Variants in MAPRE2 observed in about 807,000 individuals in gnomAD.
MAPRE2 encodes the protein microtubule-associated protein RP/EB family member 2.
MAPRE2 carries 13 observed loss-of-function variants against 43.2 expected under a neutral mutation model. That is an observed-to-expected ratio of 0.30 (90% CI 0.20 to 0.48). The LOEUF is 0.48. Among genes scored for constraint, MAPRE2 ranks in the 20% least tolerant of loss-of-function variants. MAPRE2 has a pLI of 0.99. For synonymous variants in MAPRE2, 135 were observed against 148.8 expected, an observed-to-expected ratio of 0.91 and a Z score of 0.68; for missense variants, 161 against 400.2, an observed-to-expected ratio of 0.40 and a Z score of 5.10.
intron 4 of MAPRE2, among the ~76,000 whole-genome samples, chr18:35,108,178 T>C (rs1908998704): frequency 6.6e-6 from 1 of 152,190 alleles, no homozygotes; most frequent in African/African-American, 2.4e-5. Context: ...TGTGTCCATG[T>C]GTTCTCACTG....
At chr18:35,093,211 CAAAAAAAA>C (rs56833433) in intron 2 of MAPRE2, among the ~76,000 whole-genome samples, 7 of 52,272 alleles carry the variant, frequency 1.3e-4, no homozygotes, top group East Asian at 6.1e-4. Context: ...GACCCTGTCT[CAAAAAAAA>C]AAAAAAAAAA....
intron 4 of MAPRE2, among the ~76,000 whole-genome samples, chr18:35,114,612 G>T (rs1909324625): frequency 6.6e-6 from 1 of 152,098 alleles, no homozygotes; most frequent in Admixed American, 6.5e-5. Flanking sequence ...CCGTGTGAAT[G>T]GTCTGGGTGA....
chr18:35,130,838 T>G (rs976613896), intron 5 of MAPRE2, among the ~76,000 whole-genome samples: 2 of 152,238 alleles, frequency 1.3e-5, no homozygotes, highest in African/African-American at 2.4e-5. Flanking sequence ...CCAGATCTAG[T>G]CACAACCCCG....
In MAPRE2 at chr18:35,140,417, T is replaced by G. The variant is rs757225549; in HGVS notation, c.*48T>G. The stretch of plus-strand genomic sequence containing the variant: ...CTTCCATTGTGTGTGGGAACGTTTC[T>G]TCTGGAGAATTGGAACATGTGTGGC... On this transcript the variant is annotated 3_prime_UTR_variant, in exon 7 of 7. Coordinates refer to ENST00000300249, the MANE Select transcript of MAPRE2 (RefSeq NM_014268.4). The G allele has an allele frequency of 1.3e-6, 2 of 1,529,228 alleles. No homozygotes were observed. The highest frequency in any genetic ancestry group is 2.4e-5 in the South Asian group (2 of 84,114). The allele number at this position is 1,529,228 out of a possible 1,614,324, so 94.7% of individuals were successfully genotyped here. A position where few individuals can be genotyped will look rare whatever the true frequency, so the allele number is the denominator to read the frequency against.
chr18:35,042,335 G>C (rs138128555), intron 1 of MAPRE2, among the ~76,000 whole-genome samples: 70 of 152,248 alleles, frequency 4.6e-4, no homozygotes, highest in African/African-American at 1.6e-3. Context: ...GCCACCGCTT[G>C]GGTGGGGGAG....
intron 6 of MAPRE2, among the ~76,000 whole-genome samples, chr18:35,135,916 C>T (rs749823236): frequency 6.6e-6 from 1 of 152,234 alleles, no homozygotes; most frequent in Non-Finnish European, 1.5e-5. Flanking sequence ...GCAGCACATG[C>T]TGTTCAGCTA....
chr18:35,125,651 G>A (rs930821219), intron 4 of MAPRE2, among the ~76,000 whole-genome samples: 9 of 152,192 alleles, frequency 5.9e-5, no homozygotes, highest in Non-Finnish European at 1.2e-4. Flanking sequence ...GGGAATGGAC[G>A]GGCCCCCAGT....
chr18:35,008,038 T>G (rs771233570), intron 2 of MAPRE2, among the ~76,000 whole-genome samples: 3 of 152,188 alleles, frequency 2.0e-5, no homozygotes, highest in Non-Finnish European at 2.9e-5. Flanking sequence ...TAGGGAAAGC[T>G]GTATTGATCA....
intron 1 of MAPRE2, among the ~76,000 whole-genome samples, chr18:35,068,814 T>C (rs963560254): frequency 1.3e-5 from 2 of 152,244 alleles, no homozygotes; most frequent in Non-Finnish European, 2.9e-5. Flanking sequence ...GTAATAGTTA[T>C]CTGCCTTCTG....
At position 35,011,449 on chromosome 18, in the gene MAPRE2, T is replaced by C. The variant is rs185054960; in HGVS notation, c.-8+5896T>C. On this transcript the variant is annotated intron_variant, in intron 2 of 7. Transcript: ENST00000413393. ...GTAATGAGCTGCAGCATTGAGGGAA[T>C]AGTGACAGGTAGGGCTGGACAGACA... 1.1e-4 allele frequency among the ~76,000 whole-genome samples: 16 copies of C among 152,078 alleles called. No homozygotes were observed. In the South Asian group the frequency reaches 1.9e-3, roughly 18 times the overall value.
At chr18:35,008,731 G>T (rs1335889977) in intron 2 of MAPRE2, among the ~76,000 whole-genome samples, 2 of 152,056 alleles carry the variant, frequency 1.3e-5, no homozygotes, top group Non-Finnish European at 2.9e-5. Flanking sequence ...ATTTTCTAAG[G>T]TCACAATCCC....
rs1910693123 is a variant in MAPRE2, at chr18:35,142,311, G to C, written c.*1942G>C. On this transcript the variant is annotated 3_prime_UTR_variant, in exon 7 of 7. Coordinates refer to ENST00000300249, the MANE Select transcript of MAPRE2 (RefSeq NM_014268.4). ...ACTCTATGCACCTGATACTGCAGTG[G>C]TTCCTAGGCCATTCTTCATCTGCTC... The C allele has an allele frequency of 6.6e-6, 1 of 152,270 alleles. No individual in the cohort carries two copies. Among genetic ancestry groups the C allele is most frequent in the South Asian group, 2.1e-4 (1 of 4,834 alleles). 9.4% of individuals were successfully genotyped at this position (152,270 alleles called of 1,614,324 possible).
chr18:35,133,720 G>T (rs536187292), intron 6 of MAPRE2, among the ~76,000 whole-genome samples: 12 of 152,336 alleles, frequency 7.9e-5, no homozygotes, highest in Admixed American at 2.6e-4. Context: ...GGGAGTCCAT[G>T]TGCAGGAGCA....
chr18:35,137,967 C>T (rs1197088079), intron 6 of MAPRE2, among the ~76,000 whole-genome samples: 1 of 152,170 alleles, frequency 6.6e-6, no homozygotes, highest in Admixed American at 6.5e-5. Context: ...ATTCTTCTCC[C>T]TTGGATGAGA....
chr18:35,101,838 G>A (rs1307596688), intron 3 of MAPRE2, 108 bp from the exon 4 acceptor site: 2 of 787,166 alleles, frequency 2.5e-6, no homozygotes, highest in Non-Finnish European at 4.1e-6. Flanking sequence ...AAACAGTGCT[G>A]CCACAAACTT....
At chr18:35,017,178 T>C (rs1013920919) in intron 2 of MAPRE2, among the ~76,000 whole-genome samples, 3 of 151,908 alleles carry the variant, frequency 2.0e-5, no homozygotes, top group African/African-American at 7.2e-5. Context: ...ACATGTACCA[T>C]GTTCCTTTGG....
At chr18:35,077,247 G>GCACACACA (rs774733086) in intron 2 of MAPRE2, among the ~76,000 whole-genome samples, 1 of 116,876 alleles carries the variant, frequency 8.6e-6, no homozygotes, top group Non-Finnish European at 1.6e-5. Flanking sequence ...GCGTGCGCGC[G>GCACACACA]CGCACACACA....
Position 35,141,967 on chromosome 18 carries a change from ATATT to A in MAPRE2, c.*1603_*1606del, listed in dbSNP as rs1318676345. 1 of 152,240 alleles carries A rather than the reference ATATT, an allele frequency of 6.6e-6. No homozygotes were observed. The highest frequency in any genetic ancestry group is 1.5e-5 in the Non-Finnish European group (1 of 68,040). 9.4% of individuals were successfully genotyped at this position (152,240 alleles called of 1,614,324 possible). ...AAAATAAATCTTTTGCAGCAAAGTG[ATATT>A]TATTGAGTTATGTGGAAAAGATGGC... On this transcript the variant is annotated 3_prime_UTR_variant, in exon 7 of 7. Coordinates refer to ENST00000300249, the MANE Select transcript of MAPRE2 (RefSeq NM_014268.4).
chr18:35,041,272 G>A (rs1603392927), upstream of MAPRE2: 1 of 1,348,880 alleles, frequency 7.4e-7, no homozygotes, highest in Non-Finnish European at 9.6e-7. Context: ...CCGCGACCCT[G>A]TGCGAATTGA....
Sources: allele counts gnomAD v4.1 joint callset (sites outside exome capture counted in the v4.1 genomes callset), GRCh38; gene constraint gnomAD v4.1.1; transcripts MANE v1.5; gene names NCBI Gene and HGNC (gene_info 2026-07-23, HGNC 2026-07-21).